The following TNFSF4 variants were observed in gnomAD, a reference collection of about 807,000 sequenced individuals.
TNFSF4 encodes the protein tumor necrosis factor ligand superfamily member 4.
A neutral mutation model predicts 7.3 loss-of-function variants in TNFSF4; 4 were observed. That is an observed-to-expected ratio of 0.55 (90% CI 0.27 to 1.25). TNFSF4 has a LOEUF of 1.25. TNFSF4 is among the 50% of genes most tolerant of loss of function. The pLI is 0.12. For missense variants in TNFSF4, 181 were observed against 208.8 expected, an observed-to-expected ratio of 0.87 and a Z score of 0.82; for synonymous variants, 76 against 83.7, an observed-to-expected ratio of 0.91 and a Z score of 0.50.
chr1:173,352,849 AC>A, the TNFSF4 span, among the ~76,000 whole-genome samples: 1 of 152,032 alleles, frequency 6.6e-6, no homozygotes, highest in African/African-American at 2.4e-5. Flanking sequence ...TAAGGCGGAC[AC>A]CCCTAGAGCA....
At chr1:173,439,981 C>G in the TNFSF4 span, among the ~76,000 whole-genome samples, 1 of 152,328 alleles carries the variant, frequency 6.6e-6, no homozygotes, top group East Asian at 1.9e-4. Flanking sequence ...CTACTGAACC[C>G]TGGAGTGTCT....
chr1:173,317,696 T>A, the TNFSF4 span, among the ~76,000 whole-genome samples: 4 of 152,168 alleles, frequency 2.6e-5, no homozygotes, highest in African/African-American at 4.8e-5. Flanking sequence ...AGAATATTAT[T>A]CCTGGATAGG....
chr1:173,259,618 T>C, the TNFSF4 span, among the ~76,000 whole-genome samples: 1 of 152,148 alleles, frequency 6.6e-6, no homozygotes, highest in Non-Finnish European at 1.5e-5. Context: ...TGGGAGATGA[T>C]AACCAGAATA....
chr1:173,342,995 C>T, the TNFSF4 span, among the ~76,000 whole-genome samples: 1 of 152,158 alleles, frequency 6.6e-6, no homozygotes, highest in South Asian at 2.1e-4. Flanking sequence ...TGACACAATG[C>T]TCTGTGGTGG....
upstream of TNFSF4, among the ~76,000 whole-genome samples, chr1:173,207,606 C>T (rs866177685): frequency 4.3e-4 from 66 of 152,232 alleles, no homozygotes; most frequent in Middle Eastern, 6.8e-3. Context: ...AATGTAGCAG[C>T]TCATATATCC....
the TNFSF4 span, among the ~76,000 whole-genome samples, chr1:173,420,343 C>A: frequency 6.6e-6 from 1 of 152,218 alleles, no homozygotes. Flanking sequence ...CTCCACCTCT[C>A]GTAGCCAGCT....
At chr1:173,394,983 GAC>G in the TNFSF4 span, among the ~76,000 whole-genome samples, 7 of 126,060 alleles carry the variant, frequency 5.6e-5, no homozygotes, top group African/African-American at 2.4e-4. Flanking sequence ...GATAATAGAG[GAC>G]ACATAGATAG....
At chr1:173,370,656 G>A in the TNFSF4 span, among the ~76,000 whole-genome samples, 5 of 152,138 alleles carry the variant, frequency 3.3e-5, no homozygotes, top group South Asian at 2.1e-4. Context: ...ACAGATATCA[G>A]GAGAAAGCTC....
chr1:173,268,175 G>C, the TNFSF4 span, among the ~76,000 whole-genome samples: 3 of 152,038 alleles, frequency 2.0e-5, no homozygotes, highest in Admixed American at 1.3e-4. Context: ...TCCAAACAGA[G>C]CAAAAATGGT....
chr1:173,436,444 C>G, the TNFSF4 span, among the ~76,000 whole-genome samples: 1 of 152,198 alleles, frequency 6.6e-6, no homozygotes, highest in African/African-American at 2.4e-5. Context: ...GAGTCTTACT[C>G]TGTCACCTAG....
the TNFSF4 span, among the ~76,000 whole-genome samples, chr1:173,338,259 C>A: frequency 6.6e-6 from 1 of 152,204 alleles, no homozygotes; most frequent in Non-Finnish European, 1.5e-5. Context: ...CTGAAATAGA[C>A]ATTTACTCTG....
the TNFSF4 span, among the ~76,000 whole-genome samples, chr1:173,256,003 A>T: frequency 6.6e-6 from 1 of 152,190 alleles, no homozygotes; most frequent in Non-Finnish European, 1.5e-5. Context: ...TTCCTTGAAA[A>T]TTTCTTGAAA....
chr1:173,432,547 C>G, the TNFSF4 span, among the ~76,000 whole-genome samples: 3 of 152,248 alleles, frequency 2.0e-5, no homozygotes, highest in African/African-American at 4.8e-5. Context: ...GAAACCAACC[C>G]TGCTGGCACC....
At chr1:173,306,844 C>T in the TNFSF4 span, among the ~76,000 whole-genome samples, 4 of 151,970 alleles carry the variant, frequency 2.6e-5, no homozygotes, top group South Asian at 2.1e-4. Context: ...ATGATGGATT[C>T]GAACTTCCCT....
At chr1:173,279,308 C>A in the TNFSF4 span, among the ~76,000 whole-genome samples, 3 of 152,118 alleles carry the variant, frequency 2.0e-5, no homozygotes, top group Non-Finnish European at 2.9e-5. Context: ...AGCCCATACT[C>A]TTACCTGGTT....
downstream of TNFSF4, among the ~76,000 whole-genome samples, chr1:173,181,680 TAGTC>T (rs1436980964): frequency 6.6e-6 from 1 of 152,180 alleles, no homozygotes; most frequent in Non-Finnish European, 1.5e-5. Flanking sequence ...CCCAGGCCCT[TAGTC>T]GGAACTAGAG....
At chr1:173,307,579 C>T in the TNFSF4 span, among the ~76,000 whole-genome samples, 1 of 151,740 alleles carries the variant, frequency 6.6e-6, no homozygotes, top group African/African-American at 2.4e-5. Flanking sequence ...ATAATAGTGG[C>T]AAATCTATGT....
the TNFSF4 span, among the ~76,000 whole-genome samples, chr1:173,371,468 G>T: frequency 6.6e-6 from 1 of 152,114 alleles, no homozygotes; most frequent in East Asian, 1.9e-4. Context: ...GGAAAATTCA[G>T]AAGGGCAAAA....
the TNFSF4 span, among the ~76,000 whole-genome samples, chr1:173,412,271 T>C: frequency 6.6e-6 from 1 of 152,156 alleles, no homozygotes; most frequent in East Asian, 1.9e-4. Flanking sequence ...CAGTGCCCCA[T>C]CTCAAGGCCA....
Sources: gnomAD v4.1 joint callset for allele counts (sites outside exome capture counted in the v4.1 genomes callset) on GRCh38, gnomAD v4.1.1 for gene constraint, MANE v1.5 for transcripts, NCBI Gene and HGNC (gene_info 2026-07-23, HGNC 2026-07-21) for gene names.